ZDHHC14: variants seen among roughly 807,000 people sequenced by gnomAD.
ZDHHC14 encodes palmitoyltransferase ZDHHC14.
A neutral mutation model predicts 47.7 loss-of-function variants in ZDHHC14; 16 were observed. That is an observed-to-expected ratio of 0.34 (90% CI 0.23 to 0.51). The LOEUF (loss-of-function observed/expected upper bound fraction) is 0.51. ZDHHC14 is among the 20% of genes least tolerant of loss of function. ZDHHC14 has a pLI of 0.97. For synonymous variants in ZDHHC14, 293 were observed against 278.9 expected (o/e 1.05, Z -0.50); for missense variants, 515 against 662.5 (o/e 0.78, Z 2.44).
chr6:157,542,835 G>A lies in ZDHHC14; in HGVS notation c.406+90G>A, dbSNP rs913882238. Reference sequence around the variant, plus strand: ...CGGCAGGCCGAGGGCTGTGCAGGAGGAGCTGAGCGCTGGGAAGGAAGGAGG... The same window carrying A: ...CGGCAGGCCGAGGGCTGTGCAGGAGAAGCTGAGCGCTGGGAAGGAAGGAGG... On this transcript the variant is annotated intron_variant, in intron 2 of 8. Transcript: ENST00000359775. 99 of 1,468,770 alleles carry A rather than the reference G, an allele frequency of 6.7e-5. 5 individuals are homozygous for A. The South Asian group carries it at 1.3e-3, about 19-fold the overall frequency. 91.0% of individuals were successfully genotyped at this position (1,468,770 alleles called of 1,614,324 possible). A position where few individuals can be genotyped will look rare whatever the true frequency, so the allele number is the denominator to read the frequency against.
intron 1 of ZDHHC14, among the ~76,000 whole-genome samples, chr6:157,421,235 C>A (rs1178192141): frequency 6.6e-6 from 1 of 151,842 alleles, no homozygotes; most frequent in African/African-American, 2.4e-5. Context: ...CGCGGTGGCT[C>A]ACGCTTGTAA....
intron 1 of ZDHHC14, among the ~76,000 whole-genome samples, chr6:157,423,114 A>G (rs1164391017): frequency 6.6e-6 from 1 of 152,210 alleles, no homozygotes; most frequent in Non-Finnish European, 1.5e-5. Context: ...TGAATGGGTA[A>G]AAGTTATTGT....
intron 1 of ZDHHC14, among the ~76,000 whole-genome samples, chr6:157,505,627 A>C (rs1235182707): frequency 6.6e-6 from 1 of 152,244 alleles, no homozygotes; most frequent in South Asian, 2.1e-4. Context: ...TAATCTATTT[A>C]GGCCAAAGTA....
At chr6:157,570,938 A>G (rs1441367257) in intron 2 of ZDHHC14, among the ~76,000 whole-genome samples, 2 of 152,196 alleles carry the variant, frequency 1.3e-5, no homozygotes, top group Non-Finnish European at 2.9e-5. Flanking sequence ...AGGTCTTTGC[A>G]TGAATTACAA....
At chr6:157,558,208 G>T (rs906001000) in intron 2 of ZDHHC14, among the ~76,000 whole-genome samples, 2 of 152,206 alleles carry the variant, frequency 1.3e-5, no homozygotes, top group African/African-American at 4.8e-5. Context: ...ACAGTGGCCA[G>T]CACCTTGGAC....
intron 1 of ZDHHC14, among the ~76,000 whole-genome samples, chr6:157,395,024 G>T (rs1777492668): frequency 6.7e-6 from 1 of 149,990 alleles, no homozygotes; most frequent in Admixed American, 6.7e-5. Flanking sequence ...CCTAATCCCA[G>T]CACTTGCTTG....
rs1778543315 is a variant in ZDHHC14 at position 157,440,619 on chromosome 6, A to T, written c.245+58353A>T. Among the ~76,000 whole-genome samples, 4 of 152,354 alleles carry T rather than the reference A, an allele frequency of 2.6e-5. No individual in the cohort carries two copies. In the South Asian group the frequency reaches 8.3e-4, roughly 32 times the overall value. ...ATACAAACATGCACATGTTCACAGC[A>T]GCGTTCTTTACAATAGCAAAAATGT... is the stretch of plus-strand genomic sequence containing the variant. On this transcript the variant is annotated intron_variant, in intron 1 of 8. Coordinates refer to ENST00000359775, the MANE Select transcript of ZDHHC14 (RefSeq NM_024630.3).
At chr6:157,567,752 A>AGTG (rs1242069525) in intron 2 of ZDHHC14, among the ~76,000 whole-genome samples, 1 of 150,878 alleles carries the variant, frequency 6.6e-6, no homozygotes, top group Admixed American at 6.6e-5. Flanking sequence ...GGGAGGTTGC[A>AGTG]GTGAGCCAAG....
At chr6:157,430,694 C>T (rs1161344249) in intron 1 of ZDHHC14, among the ~76,000 whole-genome samples, 1 of 152,178 alleles carries the variant, frequency 6.6e-6, no homozygotes, top group African/African-American at 2.4e-5. Context: ...ACGTGAATTC[C>T]CCTTTGCCAT....
Position 157,381,446 on chromosome 6 carries a change from AC to A in ZDHHC14, c.-572del. 2 of 304,646 alleles carry A rather than the reference AC, an allele frequency of 6.6e-6. No homozygotes were observed. Among genetic ancestry groups the A allele is most frequent in the Admixed American group, 4.0e-5 (1 of 24,700 alleles). 18.9% of individuals were successfully genotyped at this position (304,646 alleles called of 1,614,324 possible). A position where few individuals can be genotyped will look rare whatever the true frequency, so the allele number is the denominator to read the frequency against. On this transcript the variant is annotated 5_prime_UTR_variant, in exon 1 of 9. Transcript: ENST00000359775. ...CAGAAAAACGTGCGTGGTTGTCCCC[AC>A]CCCTGGGAGGGGTTGCCGGTGCCGC... is the stretch of plus-strand genomic sequence containing the variant.
chr6:157,624,226 G>C (rs1785311744), intron 3 of ZDHHC14, among the ~76,000 whole-genome samples: 1 of 152,196 alleles, frequency 6.6e-6, no homozygotes, highest in South Asian at 2.1e-4. Context: ...CCATTGGAAG[G>C]TATAACTCTA....
At chr6:157,491,188 C>T (rs1438786801) in intron 1 of ZDHHC14, among the ~76,000 whole-genome samples, 1 of 152,196 alleles carries the variant, frequency 6.6e-6, no homozygotes, top group Non-Finnish European at 1.5e-5. Flanking sequence ...GGTATGCGGC[C>T]GCCCTGCAGG....
At chr6:157,431,784 C>T (rs561178254) in intron 1 of ZDHHC14, among the ~76,000 whole-genome samples, 32 of 149,622 alleles carry the variant, frequency 2.1e-4, no homozygotes, top group South Asian at 1.7e-3. Flanking sequence ...GGCTAGAGTG[C>T]GGTGTCATGA....
At position 157,465,582 on chromosome 6, in the gene ZDHHC14, G is replaced by C. The variant is rs573914953; in HGVS notation, c.246-77003G>C. On this transcript the variant is annotated intron_variant, in intron 1 of 8. Transcript: ENST00000359775. ...CCATGGCATCTGGATAGTTAATGCC[G>C]TTCTATTTAGCAAGAGATGCTAAAA... Among the ~76,000 whole-genome samples the C allele has an allele frequency of 2.6e-5, 4 of 151,864 alleles. No individual in the cohort carries two copies. The East Asian group carries it at 5.8e-4, about 22-fold the overall frequency.
At chr6:157,560,452 T>C (rs1782662706) in intron 2 of ZDHHC14, among the ~76,000 whole-genome samples, 1 of 152,236 alleles carries the variant, frequency 6.6e-6, no homozygotes, top group Non-Finnish European at 1.5e-5. Flanking sequence ...TCTAATGGCT[T>C]ATAAAAGTTA....
intron 2 of ZDHHC14, among the ~76,000 whole-genome samples, chr6:157,558,330 G>C (rs1382694175): frequency 6.6e-6 from 1 of 152,112 alleles, no homozygotes; most frequent in Non-Finnish European, 1.5e-5. Flanking sequence ...ACAGATGCCT[G>C]GTATTCTGAT....
At chr6:157,385,358 T>C (rs1038161701) in intron 1 of ZDHHC14, among the ~76,000 whole-genome samples, 1 of 152,234 alleles carries the variant, frequency 6.6e-6, no homozygotes, top group Non-Finnish European at 1.5e-5. Context: ...GCTGAGATTA[T>C]AGGCATGAGC....
intron 1 of ZDHHC14, among the ~76,000 whole-genome samples, chr6:157,432,807 C>CA (rs1416089486): frequency 6.6e-6 from 1 of 152,070 alleles, no homozygotes; most frequent in African/African-American, 2.4e-5. Flanking sequence ...AAGGTAACAC[C>CA]AAAAAATGGG....
intron 2 of ZDHHC14, among the ~76,000 whole-genome samples, chr6:157,548,364 G>A (rs975835429): frequency 2.6e-5 from 4 of 152,138 alleles, no homozygotes; most frequent in Non-Finnish European, 5.9e-5. Flanking sequence ...GCCGGTGTGG[G>A]GGTCCTTGCT....
Sources: gnomAD v4.1 joint callset for allele counts (sites outside exome capture counted in the v4.1 genomes callset) on GRCh38, gnomAD v4.1.1 for gene constraint, MANE v1.5 for transcripts, NCBI Gene and HGNC (gene_info 2026-07-23, HGNC 2026-07-21) for gene names.